The following LY75 variants were observed in gnomAD, a reference collection of about 807,000 sequenced individuals.
The protein encoded by LY75 is lymphocyte antigen 75.
LY75 carries 185 observed loss-of-function variants against 231.7 expected under a neutral mutation model. That is an observed-to-expected ratio of 0.80 (90% CI 0.71 to 0.90). LY75 has a LOEUF of 0.90. Among genes scored for constraint, LY75 ranks in the 40% least tolerant of loss-of-function variants. LY75 has a pLI of 0.00. For synonymous variants in LY75, 668 were observed against 689.0 expected (o/e 0.97, Z 0.48); for missense variants, 1,947 against 2,050.2 (o/e 0.95, Z 0.97).
chr2:159,838,612 A>C (rs6733741), intron 25 of LY75, among the ~76,000 whole-genome samples: 1 of 152,092 alleles, frequency 6.6e-6, no homozygotes, highest in Non-Finnish European at 1.5e-5. Context: ...AGGGTGACTG[A>C]AACTAGGAAA....
chr2:159,864,842 T>C lies in LY75; in HGVS notation c.2196A>G (p.Thr732=). Residue 732 remains threonine (T), a synonymous_variant, in exon 14 of 35, where the codon ACA becomes ACG. Coordinates refer to ENST00000263636, the MANE Select transcript of LY75 (RefSeq NM_002349.4). The part of the protein sequence containing the change: ...LQGSWQWSDR[T]PVSTIIMPNE... The stretch of plus-strand genomic sequence containing the variant: ...AAACAATAACGTTTTAACTTACTGG[T>C]GTACGATCACTCCATTGCCAGGATC... 1 of 1,596,050 alleles carries C rather than the reference T, an allele frequency of 6.3e-7. No homozygotes were observed. The highest frequency in any genetic ancestry group is 8.5e-7 in the Non-Finnish European group (1 of 1,171,946).
At position 159,885,311 on chromosome 2, in the gene LY75, T is replaced by C. The variant is rs748105422; in HGVS notation, c.914-18A>G. ...GGGCCTGTCTTAAAAGGGAACATTT[T>C]TCAAAGCATTAGAATGAGAAAGTTA... On this transcript the variant is annotated intron_variant, in intron 5 of 34. Coordinates refer to ENST00000263636, the MANE Select transcript of LY75 (RefSeq NM_002349.4). 1 of 1,608,618 alleles carries C rather than the reference T, an allele frequency of 6.2e-7. No homozygotes were observed. Among genetic ancestry groups the C allele is most frequent in the African/African-American group, 1.3e-5 (1 of 74,854 alleles).
intron 4 of LY75, among the ~76,000 whole-genome samples, chr2:159,888,174 C>G (rs1020878801): frequency 1.3e-5 from 2 of 152,056 alleles, no homozygotes; most frequent in African/African-American, 4.8e-5. Context: ...AGACCTGTGG[C>G]CTTTTAATGA....
intron 33 of LY75, 48 bp downstream of exon 33, chr2:159,808,401 T>C (rs1013961916): frequency 6.2e-7 from 1 of 1,612,202 alleles, no homozygotes; most frequent in Non-Finnish European, 8.5e-7. Flanking sequence ...TTATTTAGGA[T>C]GAGTTAGAAC....
intron 28 of LY75, among the ~76,000 whole-genome samples, chr2:159,827,184 G>C (rs1683498655): frequency 6.6e-6 from 1 of 152,134 alleles, no homozygotes; most frequent in Admixed American, 6.5e-5. Context: ...CATACAAAAT[G>C]AGAGAAAATT....
intron 4 of LY75, among the ~76,000 whole-genome samples, chr2:159,887,200 G>T (rs373093864): frequency 9.6e-6 from 1 of 104,068 alleles, no homozygotes; most frequent in Non-Finnish European, 2.1e-5. Flanking sequence ...GATACAGAAT[G>T]AGAGTGAGAG....
At position 159,804,340 on chromosome 2, in the gene LY75, C is replaced by A. The variant is rs1682735004; in HGVS notation, c.*704G>T. The stretch of plus-strand genomic sequence containing the variant: ...GACCAGCCTGGCCAACATGGTGAAA[C>A]CCCATCTCTACTAAAAATACAAAAA... On this transcript the variant is annotated 3_prime_UTR_variant, in exon 35 of 35. Transcript: ENST00000263636. The A allele has an allele frequency of 6.6e-6, 1 of 152,134 alleles. No individual in the cohort carries two copies. Among genetic ancestry groups the A allele is most frequent in the Admixed American group, 6.6e-5 (1 of 15,266 alleles). 9.4% of individuals were successfully genotyped at this position (152,134 alleles called of 1,614,324 possible).
Position 159,879,765 on chromosome 2 carries a change from C to T in LY75, c.1405-396G>A, listed in dbSNP as rs79782676. On this transcript the variant is annotated intron_variant, in intron 8 of 34. Coordinates refer to ENST00000263636, the MANE Select transcript of LY75 (RefSeq NM_002349.4). Reference sequence around the variant, plus strand: ...ATCAACCTCCCTTTCTCGGTTTCCTCACGTGTAAAATGATGATGGTGGCTA... The same window carrying T: ...ATCAACCTCCCTTTCTCGGTTTCCTTACGTGTAAAATGATGATGGTGGCTA... Among the ~76,000 whole-genome samples, 1,474 of 152,252 alleles carry T rather than the reference C, an allele frequency of 9.7e-3. 73 individuals are homozygous for T. In the East Asian group the frequency reaches 0.15, roughly 16 times the overall value.
chr2:159,813,515 T>C (rs944969070), intron 31 of LY75, among the ~76,000 whole-genome samples: 1 of 152,150 alleles, frequency 6.6e-6, no homozygotes, highest in Non-Finnish European at 1.5e-5. Flanking sequence ...GGAGGCTGTA[T>C]TGGAGAATCT....
intron 31 of LY75, among the ~76,000 whole-genome samples, chr2:159,811,018 C>A (rs1682943061): frequency 6.6e-6 from 1 of 152,032 alleles, no homozygotes; most frequent in Non-Finnish European, 1.5e-5. Flanking sequence ...TTATTTCTTT[C>A]TTTGGATTCC....
Position 159,804,836 on chromosome 2 carries a change from G to T in LY75, c.*208C>A, listed in dbSNP as rs1682748079. The T allele has an allele frequency of 7.4e-6, 3 of 405,052 alleles. No homozygotes were observed. Among genetic ancestry groups the T allele is most frequent in the Non-Finnish European group, 1.4e-5 (3 of 221,578 alleles). 25.1% of individuals were successfully genotyped at this position (405,052 alleles called of 1,614,324 possible). A position where few individuals can be genotyped will look rare whatever the true frequency, so the allele number is the denominator to read the frequency against. ...AATTTGGACTTCAGTTCCAGCTTTG[G>T]AGTCCCCTCCATTCTATTAATTAGG... On this transcript the variant is annotated 3_prime_UTR_variant, in exon 35 of 35. Coordinates refer to ENST00000263636, the MANE Select transcript of LY75 (RefSeq NM_002349.4).
chr2:159,899,970 G>A (rs1017190168), intron 1 of LY75, among the ~76,000 whole-genome samples: 2 of 152,230 alleles, frequency 1.3e-5, no homozygotes, highest in Non-Finnish European at 2.9e-5. Flanking sequence ...CCTGGGGAAA[G>A]CCTGGGGGGA....
chr2:159,822,023 C>G (rs913567956), intron 28 of LY75, among the ~76,000 whole-genome samples: 2 of 152,240 alleles, frequency 1.3e-5, no homozygotes, highest in African/African-American at 4.8e-5. Context: ...GTCCCAGGGT[C>G]TTTGCAACCT....
chr2:159,862,627 TAA>T (rs777965065), intron 14 of LY75, among the ~76,000 whole-genome samples: 14 of 152,070 alleles, frequency 9.2e-5, no homozygotes, highest in Non-Finnish European at 4.4e-5. Context: ...TTCATTTCAA[TAA>T]AGACACATAA....
intron 12 of LY75, among the ~76,000 whole-genome samples, chr2:159,874,577 C>CATATTTTGTAAATATATATAAAGATAT (rs1553809947): frequency 0.38 from 9,345 of 24,640 alleles, 3,913 homozygotes; most frequent in African/African-American, 0.78. Context: ...TAAATATGTA[C>CATATTTTGTAAATATATATAAAGATAT]ATATTTTGTA....
intron 14 of LY75, among the ~76,000 whole-genome samples, chr2:159,863,130 C>T (rs375904235): frequency 7.9e-5 from 12 of 151,516 alleles, no homozygotes; most frequent in Non-Finnish European, 1.5e-4. Flanking sequence ...TTGTCACAAA[C>T]GGCAGGATTT....
intron 1 of LY75, among the ~76,000 whole-genome samples, chr2:159,901,316 A>G (rs763824878): frequency 6.6e-5 from 10 of 152,222 alleles, no homozygotes; most frequent in Non-Finnish European, 1.5e-4. Context: ...CATCTTTTCC[A>G]AAGTATTCTC....
At chr2:159,829,108 T>C (rs936098245) in intron 28 of LY75, among the ~76,000 whole-genome samples, 2 of 152,178 alleles carry the variant, frequency 1.3e-5, no homozygotes, top group Non-Finnish European at 2.9e-5. Context: ...TATAAATTGG[T>C]ATAAAGATTG....
chr2:159,824,273 C>T (rs556182925), intron 28 of LY75, among the ~76,000 whole-genome samples: 1 of 151,914 alleles, frequency 6.6e-6, no homozygotes, highest in East Asian at 1.9e-4. Flanking sequence ...GAATATTTAC[C>T]AAGCAAATGG....
Sources: allele counts gnomAD v4.1 joint callset (sites outside exome capture counted in the v4.1 genomes callset), GRCh38; gene constraint gnomAD v4.1.1; transcripts MANE v1.5; gene names NCBI Gene and HGNC (gene_info 2026-07-23, HGNC 2026-07-21).